Variants in TMEM94 observed in about 807,000 individuals in gnomAD.
TMEM94 encodes the protein ER Mg2+ ATPase.
In TMEM94, 81 loss-of-function variants were observed where a neutral mutation model predicts 158.6. The ratio of observed to expected loss-of-function variants is 0.51; its 90% CI spans 0.43 to 0.61. TMEM94 has a LOEUF of 0.61. TMEM94 is among the 20% of genes least tolerant of loss of function. The pLI is 0.00. For synonymous variants in TMEM94, 751 were observed against 730.7 expected, an observed-to-expected ratio of 1.03 and a Z score of -0.45; for missense variants, 1,435 against 1,762.0, an observed-to-expected ratio of 0.81 and a Z score of 3.32.
In TMEM94 at chr17:75,495,815, T is replaced by C. The variant is rs1395789669; in HGVS notation, c.2945-151T>C. ...TGTGGGTTGGAGTCAGAAGTGCCGA[T>C]GTTCACATGATCCCGCTGCCGGGGG... is the stretch of plus-strand genomic sequence containing the variant. On this transcript the variant is annotated intron_variant, in intron 22 of 31. Coordinates refer to ENST00000314256, the MANE Select transcript of TMEM94 (RefSeq NM_014738.6). This position sits in a 1 kb window ranked among gnomAD's most constrained non-coding sequence, Gnocchi z 5.6. 1.4e-5 allele frequency: 11 copies of C among 794,758 alleles called. No individual in the cohort carries two copies. Among genetic ancestry groups the C allele is most frequent in the Non-Finnish European group, 2.3e-5 (11 of 485,044 alleles). The allele number at this position is 794,758 out of a possible 1,614,324, so 49.2% of individuals were successfully genotyped here.
At chr17:75,459,108 G>T (rs2049988137) in intron 1 of TMEM94, among the ~76,000 whole-genome samples, 1 of 149,384 alleles carries the variant, frequency 6.7e-6, no homozygotes, top group Non-Finnish European at 1.5e-5. Flanking sequence ...GACTATGGTG[G>T]TTAACCCTAG....
At chr17:75,497,696 C>T (rs2052857346) in intron 26 of TMEM94, 85 bp from the exon 27 acceptor site, 1 of 1,134,718 alleles carries the variant, frequency 8.8e-7, no homozygotes, top group Admixed American at 1.8e-5. Flanking sequence ...ACCTCACGCG[C>T]AAGACTCCCT....
In TMEM94 at chr17:75,489,599, C is replaced by T. The variant is rs1282075045; in HGVS notation, c.891C>T (p.Ala297=). Residue 297 remains alanine, a synonymous_variant, in exon 9 of 32, where the codon GCC becomes GCT. Transcript: ENST00000314256. The surrounding 1 kb of genome is among the most constrained non-coding windows in gnomAD (Gnocchi z 5.0). ...AGGCCGGCTTCCTCATCACCAATGC[C>T]CTGCGCTTCATCTTCAGTGCCCCGG... is the stretch of plus-strand genomic sequence containing the variant. The part of the protein sequence containing the change: ...VVLAGFLITN[A]LRFIFSAPGV... 2 of 1,613,964 alleles carry T rather than the reference C, an allele frequency of 1.2e-6. No individual in the cohort carries two copies. The highest frequency in any genetic ancestry group is 3.3e-5 in the Admixed American group (2 of 59,994).
chr17:75,477,749 G>A (rs924077526), intron 2 of TMEM94, among the ~76,000 whole-genome samples: 25 of 151,838 alleles, frequency 1.6e-4, no homozygotes, highest in African/African-American at 6.0e-4. Context: ...AGTGGTTCAC[G>A]CCTGAATTCC....
intron 1 of TMEM94, among the ~76,000 whole-genome samples, chr17:75,461,775 G>C (rs1179395683): frequency 6.6e-6 from 1 of 151,380 alleles, no homozygotes; most frequent in Non-Finnish European, 1.5e-5. Flanking sequence ...TTAGCTGGGC[G>C]TGGTGGCGGG....
In TMEM94 at chr17:75,488,138, G is replaced by A; in HGVS notation, c.612+4G>A. 6.2e-7 allele frequency: 1 copy of A among 1,613,984 alleles called. No individual in the cohort carries two copies. The highest frequency in any genetic ancestry group is 8.5e-7 in the Non-Finnish European group (1 of 1,179,832). The stretch of plus-strand genomic sequence containing the variant: ...TGCTTCTCTGAGGGGGATCAAGGTA[G>A]CTTGAGGCTTTCCTTCTCCCTTGGA... On this transcript the variant is annotated splice_donor_region_variant and intron_variant, in intron 6 of 31. Coordinates refer to ENST00000314256, the MANE Select transcript of TMEM94 (RefSeq NM_014738.6).
rs138768810 is a variant in TMEM94, at chr17:75,492,494, C to T, written c.1617C>T (p.Ser539=). Residue 539 remains serine, a synonymous_variant, in exon 15 of 32, where the codon AGC becomes AGT. Transcript: ENST00000314256. This position sits in a 1 kb window ranked among gnomAD's most constrained non-coding sequence, Gnocchi z 4.4. ...EPSKTQPGME[S]DPYEAEDFVC... ...CCCAGACCCAGCCTGGGATGGAGAG[C>T]GACCCCTACGAAGCAGAGGACTTTG... The T allele has an allele frequency of 7.3e-5, 116 of 1,591,510 alleles. No individual in the cohort carries two copies. In the African/African-American group the frequency reaches 9.8e-4, roughly 13 times the overall value.
In TMEM94 at chr17:75,495,069, C is replaced by CGGGGGGGGG; in HGVS notation, c.2728+37_2728+38insGGGGGGGGG. 4 of 617,000 alleles carry CGGGGGGGGG rather than the reference C, an allele frequency of 6.5e-6. No homozygotes were observed. Among genetic ancestry groups the CGGGGGGGGG allele is most frequent in the African/African-American group, 1.9e-5 (1 of 52,630 alleles). 38.2% of individuals were successfully genotyped at this position (617,000 alleles called of 1,614,324 possible). A position where few individuals can be genotyped will look rare whatever the true frequency, so the allele number is the denominator to read the frequency against. ...AAGGCGTGGGGTGGGGACGGGGTGG[C>CGGGGGGGGG]GGTGGGAGGATTCCCCTCCTCAGAG... is the stretch of plus-strand genomic sequence containing the variant. On this transcript the variant is annotated intron_variant, in intron 20 of 31. Transcript: ENST00000314256. This position sits in a 1 kb window ranked among gnomAD's most constrained non-coding sequence, Gnocchi z 5.6.
chr17:75,499,356 A>G lies in TMEM94; in HGVS notation c.*22A>G, dbSNP rs1221227674. 1.2e-6 allele frequency: 2 copies of G among 1,607,066 alleles called. No individual in the cohort carries two copies. Among genetic ancestry groups the G allele is most frequent in the African/African-American group, 2.7e-5 (2 of 74,780 alleles). On this transcript the variant is annotated 3_prime_UTR_variant, in exon 32 of 32. Transcript: ENST00000314256. Reference sequence around the variant, plus strand: ...CTGAGCCACTGGCTGTGGTGGCTGTAGTTGCCCCCGTCCCTGGGGCTAAAG... The same window carrying G: ...CTGAGCCACTGGCTGTGGTGGCTGTGGTTGCCCCCGTCCCTGGGGCTAAAG...
At chr17:75,459,850 A>G (rs1223644430) in intron 1 of TMEM94, 2 of 152,124 alleles carry the variant, frequency 1.3e-5, no homozygotes, top group African/African-American at 2.4e-5. Context: ...CTTTACCCAA[A>G]TGATAGGATT....
At chr17:75,470,860 A>G (rs2050473125) in intron 1 of TMEM94, among the ~76,000 whole-genome samples, 1 of 151,906 alleles carries the variant, frequency 6.6e-6, no homozygotes, top group East Asian at 1.9e-4. Context: ...TGGAGGTTGC[A>G]GTAAGCAAAG....
intron 1 of TMEM94, among the ~76,000 whole-genome samples, chr17:75,459,967 G>A (rs142698076): frequency 5.3e-4 from 80 of 152,206 alleles, no homozygotes; most frequent in Middle Eastern, 3.4e-3. Flanking sequence ...CTTTTCTTCC[G>A]AGCAGACCCG....
chr17:75,497,244 G>A, intron 26 of TMEM94, 46 bp downstream of exon 26: 1 of 1,506,928 alleles, frequency 6.6e-7, no homozygotes. Flanking sequence ...TAAGCAGGAG[G>A]TGTCTGGATG....
chr17:75,463,093 C>CAT (rs1443664379), intron 1 of TMEM94, among the ~76,000 whole-genome samples: 2 of 8,632 alleles, frequency 2.3e-4, no homozygotes, highest in African/African-American at 1.9e-3. Context: ...CACACACACA[C>CAT]ATATATATGT....
chr17:75,463,174 G>GTATATATATATATATA (rs1483017222), intron 1 of TMEM94, among the ~76,000 whole-genome samples: 60 of 4,836 alleles, frequency 0.012, 3 homozygotes, highest in African/African-American at 0.05. Flanking sequence ...GTGTGTGTGT[G>GTATATATATATATATA]TGTGTATATA....
At chr17:75,490,866 T>G in intron 11 of TMEM94, 108 bp downstream of exon 11, 1 of 1,087,558 alleles carries the variant, frequency 9.2e-7, no homozygotes, top group Non-Finnish European at 1.4e-6. Context: ...TAGAGCCCCA[T>G]GTCCACCCGT....
intron 16 of TMEM94, 88 bp downstream of exon 16, chr17:75,493,190 A>G (rs777164771): frequency 5.7e-5 from 78 of 1,358,042 alleles, no homozygotes; most frequent in Non-Finnish European, 7.1e-5. Context: ...ATTGCTAGGG[A>G]GGCCTGGGCA....
At chr17:75,461,497 T>C (rs997051740) in intron 1 of TMEM94, among the ~76,000 whole-genome samples, 2 of 152,116 alleles carry the variant, frequency 1.3e-5, no homozygotes, top group Non-Finnish European at 2.9e-5. Context: ...GAAAAAAGTA[T>C]AAAAAAGAAT....
At position 75,496,767 on chromosome 17, in the gene TMEM94, T is replaced by G; in HGVS notation, c.3281T>G (p.Leu1094Arg). The change falls in exon 25 of 32, where the codon CTC (leucine) becomes CGC (arginine). Residue 1094 changes from leucine (L) to arginine (R), a missense_variant. Around this residue, in one of 3 missense-constraint regions of TMEM94, gnomAD observed 335 missense variants for 409.1 expected, o/e 0.82. Transcript: ENST00000314256. ...HATYGIRKCF[L>R]FLLQCQLTLV... ...ACCTATGGCATCCGTAAGTGCTTCC[T>G]CTTCCTGCTGCAGTGCCAGCTGACT... 1.9e-6 allele frequency: 3 copies of G among 1,613,960 alleles called. No individual in the cohort carries two copies. Among genetic ancestry groups the G allele is most frequent in the Non-Finnish European group, 2.5e-6 (3 of 1,180,018 alleles).
Sources: allele counts gnomAD v4.1 joint callset (sites outside exome capture counted in the v4.1 genomes callset), GRCh38; gene constraint gnomAD v4.1.1; regional missense constraint gnomAD v4.1.1; non-coding constraint Gnocchi (gnomAD v3.1); transcripts MANE v1.5; gene names NCBI Gene and HGNC (gene_info 2026-07-23, HGNC 2026-07-21).